FAF1: variants seen among roughly 807,000 people sequenced by gnomAD.
FAF1 encodes Fas associated factor 1.
FAF1 carries 25 observed loss-of-function variants against 92.5 expected under a neutral mutation model. The ratio of observed to expected loss-of-function variants is 0.27; its 90% confidence interval spans 0.20 to 0.38. The LOEUF is 0.38. FAF1 is among the 10% of genes least tolerant of loss of function. FAF1 has a pLI of 1.00. For synonymous variants in FAF1, 234 were observed against 273.2 expected (o/e 0.86, Z 1.42); for missense variants, 636 against 793.3 (o/e 0.80, Z 2.38).
chr1:50,903,354 CTTATAAA>C (rs1644811227), intron 1 of FAF1, among the ~76,000 whole-genome samples: 1 of 152,260 alleles, frequency 6.6e-6, no homozygotes, highest in Admixed American at 6.5e-5. Flanking sequence ...TCCTGAGATA[CTTATAAA>C]TTATAATGAT....
At chr1:50,563,426 TA>T (rs1046418676) in intron 13 of FAF1, among the ~76,000 whole-genome samples, 1,898 of 141,394 alleles carry the variant, frequency 0.013, 23 homozygotes, top group African/African-American at 0.037. Context: ...CCTTGTCTCT[TA>T]AAAAAAAAAA....
intron 12 of FAF1, chr1:50,582,380 A>G: frequency 2.3e-6 from 1 of 427,458 alleles, no homozygotes; most frequent in South Asian, 5.4e-5. Context: ...AAAGTCTCCA[A>G]TCTCAAAATG....
chr1:50,772,046 C>T (rs1425160668), intron 4 of FAF1, among the ~76,000 whole-genome samples: 3 of 152,030 alleles, frequency 2.0e-5, no homozygotes, highest in Non-Finnish European at 2.9e-5. Context: ...AAAAAGATTA[C>T]GTGTAGGTAA....
intron 13 of FAF1, among the ~76,000 whole-genome samples, chr1:50,540,329 C>A (rs1648703911): frequency 6.6e-6 from 1 of 152,102 alleles, no homozygotes; most frequent in Non-Finnish European, 1.5e-5. Context: ...AAACAAACTA[C>A]ATTAATTTCA....
chr1:50,729,030 C>CTATATATA (rs1324027260), intron 6 of FAF1, among the ~76,000 whole-genome samples: 3 of 74,518 alleles, frequency 4.0e-5, no homozygotes, highest in Admixed American at 1.4e-4. Flanking sequence ...ATCTATCTAT[C>CTATATATA]TATCTATATA....
intron 8 of FAF1, among the ~76,000 whole-genome samples, chr1:50,653,363 T>C (rs1324835577): frequency 2.0e-5 from 3 of 152,224 alleles, no homozygotes; most frequent in African/African-American, 7.2e-5. Context: ...CTTTTGTTTT[T>C]GTTTTTCAGA....
chr1:50,758,635 T>C (rs1660181762), intron 4 of FAF1, among the ~76,000 whole-genome samples: 1 of 152,214 alleles, frequency 6.6e-6, no homozygotes. Context: ...AACTTAATCT[T>C]CCATCTGTTA....
At chr1:50,729,805 G>A (rs571908986) in intron 6 of FAF1, among the ~76,000 whole-genome samples, 9 of 152,032 alleles carry the variant, frequency 5.9e-5, no homozygotes, top group Admixed American at 2.0e-4. Context: ...GGTGGATCAC[G>A]AAGTCAAGAG....
chr1:50,446,158 C>T (rs898970224), intron 18 of FAF1, among the ~76,000 whole-genome samples: 4 of 152,104 alleles, frequency 2.6e-5, no homozygotes, highest in Non-Finnish European at 5.9e-5. Context: ...CATAGAAGGG[C>T]GATCTAAAGC....
At chr1:50,870,233 G>A (rs1644516566) in intron 1 of FAF1, among the ~76,000 whole-genome samples, 1 of 152,128 alleles carries the variant, frequency 6.6e-6, no homozygotes, top group Admixed American at 6.5e-5. Context: ...AAGGCGGACT[G>A]ACTGACTGAG....
At chr1:50,718,331 A>C (rs1225404939) in intron 6 of FAF1, among the ~76,000 whole-genome samples, 1 of 152,186 alleles carries the variant, frequency 6.6e-6, no homozygotes, top group Non-Finnish European at 1.5e-5. Flanking sequence ...CCCGGCCACA[A>C]TCCACTTTTA....
At chr1:50,856,592 G>A (rs2124664318) in intron 2 of FAF1, among the ~76,000 whole-genome samples, 3 of 151,826 alleles carry the variant, frequency 2.0e-5, no homozygotes, top group African/African-American at 7.2e-5. Flanking sequence ...ATAGTTGGTA[G>A]AATTTTAAAT....
At chr1:50,490,528 C>T in intron 17 of FAF1, 60 bp downstream of exon 17, 1 of 485,178 alleles carries the variant, frequency 2.1e-6, no homozygotes, top group Non-Finnish European at 3.5e-6. Flanking sequence ...GGTAGGTTAA[C>T]AGCTTCAGTA....
chr1:50,573,842 C>G (rs1434562302), intron 12 of FAF1, among the ~76,000 whole-genome samples: 2 of 151,514 alleles, frequency 1.3e-5, no homozygotes, highest in Non-Finnish European at 1.5e-5. Context: ...CAAAACAAAG[C>G]CTTCCCTAGG....
intron 3 of FAF1, among the ~76,000 whole-genome samples, chr1:50,798,080 A>AT (rs2124587527): frequency 6.6e-6 from 1 of 152,228 alleles, no homozygotes; most frequent in African/African-American, 2.4e-5. Flanking sequence ...TTAAAAAAAA[A>AT]AAAAAACTCC....
Position 50,960,248 on chromosome 1 carries a change from C to G in FAF1, c.-437G>C, listed in dbSNP as rs1355982801. 16 of 331,754 alleles carry G rather than the reference C, an allele frequency of 4.8e-5. No homozygotes were observed. Among genetic ancestry groups the G allele is most frequent in the Non-Finnish European group, 8.2e-5 (15 of 182,156 alleles). The allele number at this position is 331,754 out of a possible 1,614,324, so 20.6% of individuals were successfully genotyped here. A position where few individuals can be genotyped will look rare whatever the true frequency, so the allele number is the denominator to read the frequency against. On this transcript the variant is annotated 5_prime_UTR_variant, in exon 1 of 19. Transcript: ENST00000396153. Reference sequence around the variant, plus strand: ...CCGCCTCCTCCGCTTCCTCCCTGGCCGCCGCCTCCGCCCCTGGTTGGCCAG... The same window carrying G: ...CCGCCTCCTCCGCTTCCTCCCTGGCGGCCGCCTCCGCCCCTGGTTGGCCAG...
At chr1:50,720,449 A>G (rs1289596049) in intron 6 of FAF1, among the ~76,000 whole-genome samples, 1 of 152,246 alleles carries the variant, frequency 6.6e-6, no homozygotes, top group Admixed American at 6.5e-5. Flanking sequence ...TTTAAGAATA[A>G]TATATCAAAT....
intron 6 of FAF1, 152 bp from the exon 7 acceptor site, chr1:50,706,043 G>A: frequency 1.8e-6 from 1 of 557,190 alleles, no homozygotes; most frequent in East Asian, 2.8e-5. Flanking sequence ...AAAGGCAAGA[G>A]AACACACTGA....
chr1:50,536,833 T>A (rs1648509072), intron 14 of FAF1, among the ~76,000 whole-genome samples: 1 of 152,196 alleles, frequency 6.6e-6, no homozygotes, highest in African/African-American at 2.4e-5. Context: ...TCTCTAAGGA[T>A]CAATTTCCTT....
Sources: gnomAD v4.1 joint callset for allele counts (sites outside exome capture counted in the v4.1 genomes callset) on GRCh38, gnomAD v4.1.1 for gene constraint, MANE v1.5 for transcripts, NCBI Gene and HGNC (gene_info 2026-07-23, HGNC 2026-07-21) for gene names.